The following EVC variants were observed in gnomAD, a reference collection of about 807,000 sequenced individuals.
EVC encodes the protein EvC ciliary complex subunit 1, also known as evC complex member EVC.
A neutral mutation model predicts 118.9 loss-of-function variants in EVC; 116 were observed. That is an observed-to-expected ratio of 0.98 (90% confidence interval 0.84 to 1.14). The LOEUF (loss-of-function observed/expected upper bound fraction) is 1.14, where lower values mean the gene tolerates loss of function less well. Ranked by LOEUF, EVC falls within the 50% of genes most tolerant of loss-of-function variation. The pLI is 0.00. For synonymous variants in EVC, 619 were observed against 534.7 expected, an observed-to-expected ratio of 1.16 and a Z score of -2.18; for missense variants, 1,401 against 1,246.4, an observed-to-expected ratio of 1.12 and a Z score of -1.87.
intron 11 of EVC, among the ~76,000 whole-genome samples, 174 bp from the exon 12 acceptor site, chr4:5,783,378 G>A (rs988134407): frequency 1.3e-5 from 2 of 150,504 alleles, no homozygotes; most frequent in African/African-American, 4.9e-5. Context: ...TGCATGTGGG[G>A]GAGTTACTTG....
Position 5,731,626 on chromosome 4 carries a change from A to T in EVC, c.586A>T (p.Asn196Tyr). The change falls in exon 4 of 21, where the codon AAC becomes TAC. Residue 196 changes from asparagine (N) to tyrosine (Y), a missense_variant. Coordinates refer to ENST00000264956, the MANE Select transcript of EVC (RefSeq NM_153717.3). This position sits in a 1 kb window ranked among gnomAD's most constrained non-coding sequence, Gnocchi z 5.6. ...RFLSRTFLRV[N>Y]AFPEVLACES... ...TCTCAGCCGCACCTTCCTCCGGGTG[A>T]ACGCCTTCCCTGAAGTGCTGGCCTG... 1 of 1,614,140 alleles carries T rather than the reference A, an allele frequency of 6.2e-7. No individual in the cohort carries two copies. Among genetic ancestry groups the T allele is most frequent in the Non-Finnish European group, 8.5e-7 (1 of 1,180,018 alleles).
chr4:5,773,271 G>A (rs947435201), intron 11 of EVC, among the ~76,000 whole-genome samples: 17 of 152,088 alleles, frequency 1.1e-4, no homozygotes, highest in African/African-American at 3.6e-4. Flanking sequence ...GAAACCCAGG[G>A]GCTGAAAACA....
chr4:5,736,698 T>TA (rs1406873763), intron 5 of EVC, among the ~76,000 whole-genome samples: 6 of 152,300 alleles, frequency 3.9e-5, no homozygotes, highest in African/African-American at 1.2e-4. Context: ...CCTTTGACGT[T>TA]ATGATTGTAA....
chr4:5,824,271 G>T, the EVC span: 1 of 984,880 alleles, frequency 1.0e-6, no homozygotes, highest in South Asian at 4.7e-5. Context: ...CTGGTTTGCT[G>T]ATTGAGCATC....
intron 11 of EVC, among the ~76,000 whole-genome samples, chr4:5,762,069 AGTCCCCAGAGTGTGATG>A (rs1353940221): frequency 1.7e-5 from 1 of 57,670 alleles, no homozygotes; most frequent in Non-Finnish European, 3.1e-5. Context: ...ACCCCACATC[AGTCCCCAGAGTGTGATG>A]TTCCCCTTCC....
intron 11 of EVC, among the ~76,000 whole-genome samples, chr4:5,761,591 C>T (rs887450354): frequency 6.6e-6 from 1 of 151,916 alleles, no homozygotes; most frequent in Non-Finnish European, 1.5e-5. Flanking sequence ...CTACAGTTTA[C>T]GTAAGATCAG....
At chr4:5,784,459 C>T (rs895416898) in intron 12 of EVC, among the ~76,000 whole-genome samples, 1 of 152,252 alleles carries the variant, frequency 6.6e-6, no homozygotes, top group African/African-American at 2.4e-5. Flanking sequence ...AAGAGCACAG[C>T]CCTGCTGACA....
chr4:5,744,691 C>T (rs979244335), intron 6 of EVC, among the ~76,000 whole-genome samples: 2 of 152,168 alleles, frequency 1.3e-5, no homozygotes, highest in Non-Finnish European at 2.9e-5. Context: ...GAAACAGGGC[C>T]TTGGCTACCC....
At chr4:5,827,948 A>G in the EVC span, 27 of 724,646 alleles carry the variant, frequency 3.7e-5, 1 homozygote, top group South Asian at 1.2e-3. Context: ...TCCTGAGGTC[A>G]GTGCTAAGGT....
rs1403323168 is a variant in EVC, at chr4:5,756,542, G to A, written c.1563+180G>A. Among the ~76,000 whole-genome samples, 5 of 152,200 alleles carry A rather than the reference G, an allele frequency of 3.3e-5. No individual in the cohort carries two copies. Among genetic ancestry groups the A allele is most frequent in the South Asian group, 2.1e-4 (1 of 4,824 alleles). Reference sequence around the variant, plus strand: ...ATCCTCCTTGCCCACATCAGAAACCGAGGCAGTTGGCCTTGGTCCTCTCTG... The same window carrying A: ...ATCCTCCTTGCCCACATCAGAAACCAAGGCAGTTGGCCTTGGTCCTCTCTG... On this transcript the variant is annotated intron_variant, in intron 11 of 20. Coordinates refer to ENST00000264956, the MANE Select transcript of EVC (RefSeq NM_153717.3). The surrounding 1 kb of genome is among the most constrained non-coding windows in gnomAD (Gnocchi z 4.2).
chr4:5,798,528 C>A lies in EVC; in HGVS notation c.2098-58C>A. On this transcript the variant is annotated intron_variant, in intron 14 of 20. Coordinates refer to ENST00000264956, the MANE Select transcript of EVC (RefSeq NM_153717.3). The surrounding 1 kb of genome is among the most constrained non-coding windows in gnomAD (Gnocchi z 4.1). ...GACCAGCCCCACATCCCAGTCCTGG[C>A]CAGAGCTTCTCTGTGAGAGGAGCAC... 6.6e-7 allele frequency: 1 copy of A among 1,524,146 alleles called. No homozygotes were observed. Among genetic ancestry groups the A allele is most frequent in the Non-Finnish European group, 8.9e-7 (1 of 1,124,408 alleles). The allele number at this position is 1,524,146 out of a possible 1,614,324, so 94.4% of individuals were successfully genotyped here.
At chr4:5,718,458 C>A (rs979058026) in intron 1 of EVC, among the ~76,000 whole-genome samples, 2 of 152,112 alleles carry the variant, frequency 1.3e-5, no homozygotes, top group Non-Finnish European at 2.9e-5. Context: ...GACAGCACTT[C>A]TGCACTGTGT....
At chr4:5,826,053 CACAT>C in the EVC span, 4 of 289,328 alleles carry the variant, frequency 1.4e-5, no homozygotes, top group Non-Finnish European at 2.6e-5. Flanking sequence ...AAGGCATACT[CACAT>C]ATGTATACAC....
chr4:5,811,008 A>C lies in EVC; in HGVS notation c.2950A>C (p.Lys984Gln). 6.2e-7 allele frequency: 1 copy of C among 1,612,948 alleles called. No individual in the cohort carries two copies. The highest frequency in any genetic ancestry group is 8.5e-7 in the Non-Finnish European group (1 of 1,179,334). The change falls in exon 21 of 21, where the codon AAG (lysine) becomes CAG (glutamine). Residue 984 changes from lysine to glutamine, a missense_variant. Coordinates refer to ENST00000264956, the MANE Select transcript of EVC (RefSeq NM_153717.3). Reference protein sequence around the residue: ...SEAGDSGNSKKMLKRRSNL With the variant: ...SEAGDSGNSKQMLKRRSNL Reference sequence around the variant, plus strand: ...AGCTGGGGACAGTGGGAACTCAAAGAAGATGCTAAAGAGAAGAAGCAACTT... The same window carrying C: ...AGCTGGGGACAGTGGGAACTCAAAGCAGATGCTAAAGAGAAGAAGCAACTT...
Position 5,711,521 on chromosome 4 carries a change from C to G in EVC, c.141C>G (p.Gly47=). 8.6e-7 allele frequency: 1 copy of G among 1,167,386 alleles called. No homozygotes were observed. Among genetic ancestry groups the G allele is most frequent in the Non-Finnish European group, 1.1e-6 (1 of 947,018 alleles). 72.3% of individuals were successfully genotyped at this position (1,167,386 alleles called of 1,614,324 possible). Residue 47 remains glycine (G), a synonymous_variant, in exon 1 of 21, where the codon GGC becomes GGG. Transcript: ENST00000264956. ...GCCTCGGCCTCGGCCTTTGGCTTGG[C>G]TGCCGCGCGGGCCGCCAGCGCACGC... ...ALGLGLGLWL[G]CRAGRQRTRH...
At chr4:5,766,173 G>A (rs911224103) in intron 11 of EVC, among the ~76,000 whole-genome samples, 2 of 150,234 alleles carry the variant, frequency 1.3e-5, no homozygotes, top group African/African-American at 4.9e-5. Context: ...AGCATAGTTT[G>A]GCTGGATATG....
intron 8 of EVC, 192 bp from the exon 9 acceptor site, chr4:5,752,644 C>T: frequency 1.5e-6 from 1 of 678,144 alleles, no homozygotes; most frequent in South Asian, 1.7e-5. Context: ...AGGAGAGACA[C>T]TTAATCCCCA....
At chr4:5,735,551 G>C (rs947361331) in intron 5 of EVC, among the ~76,000 whole-genome samples, 4 of 152,208 alleles carry the variant, frequency 2.6e-5, no homozygotes. Flanking sequence ...TATCACAGCT[G>C]TGTGGCTGGC....
intron 11 of EVC, among the ~76,000 whole-genome samples, chr4:5,757,389 G>A (rs76286702): frequency 0.053 from 8,075 of 152,278 alleles, 737 homozygotes; most frequent in African/African-American, 0.18. Context: ...GCAGTGGTGG[G>A]AAGTGCAACT....
Sources: gnomAD v4.1 joint callset for allele counts (sites outside exome capture counted in the v4.1 genomes callset) on GRCh38, gnomAD v4.1.1 for gene constraint, Gnocchi (gnomAD v3.1) non-coding constraint, MANE v1.5 for transcripts, NCBI Gene and HGNC (gene_info 2026-07-23, HGNC 2026-07-21) for gene names.